The following UQCRB variants were observed in gnomAD, a reference collection of about 807,000 sequenced individuals.
The protein encoded by UQCRB is ubiquinol-cytochrome c reductase binding protein, also known as cytochrome b-c1 complex subunit 7.
A neutral mutation model predicts 19.8 loss-of-function variants in UQCRB; 12 were observed. That is an observed-to-expected ratio of 0.61 (90% CI 0.39 to 0.98). The LOEUF is 0.98. UQCRB is among the 50% of genes least tolerant of loss of function. The probability of loss-of-function intolerance (pLI) is 0.00; values close to 1 mark genes in which losing one functional copy is unlikely to be tolerated. For missense variants in UQCRB, 142 were observed against 131.8 expected, an observed-to-expected ratio of 1.08 and a Z score of -0.38; for synonymous variants, 39 against 42.9, an observed-to-expected ratio of 0.91 and a Z score of 0.35.
rs1296950911 is a variant in UQCRB at position 96,230,944 on chromosome 8, A to G, written c.*111T>C. The G allele has an allele frequency of 8.7e-7, 1 of 1,145,052 alleles. No homozygotes were observed. The highest frequency in any genetic ancestry group is 1.3e-6 in the Non-Finnish European group (1 of 757,410). The allele number at this position is 1,145,052 out of a possible 1,614,324, so 70.9% of individuals were successfully genotyped here. A position where few individuals can be genotyped will look rare whatever the true frequency, so the allele number is the denominator to read the frequency against. On this transcript the variant is annotated 3_prime_UTR_variant, in exon 4 of 4. Coordinates refer to ENST00000287022, the MANE Select transcript of UQCRB (RefSeq NM_006294.5). ...GAATTCAAAAACTCCAGCCATTACA[A>G]TAGACATTTATTTAAAGTAAAACAT...
intron 2 of UQCRB, chr8:96,232,332 G>T (rs1489000792): frequency 4.6e-6 from 1 of 217,096 alleles, no homozygotes; most frequent in Non-Finnish European, 9.4e-6. Flanking sequence ...TTAAATCTGA[G>T]ATCAAGGTAT....
rs1474123705 is a variant in UQCRB at position 96,229,651 on chromosome 8, T to C, written c.*1404A>G. The C allele has an allele frequency of 2.0e-5, 9 of 453,926 alleles. No individual in the cohort carries two copies. Among genetic ancestry groups the C allele is most frequent in the Admixed American group, 1.2e-4 (5 of 42,538 alleles). The allele number at this position is 453,926 out of a possible 1,614,324, so 28.1% of individuals were successfully genotyped here. ...GCAAAGTAGGACTACATTAAAACCT[T>C]GTCACAATGTGACCTGAGCAAAACC... On this transcript the variant is annotated 3_prime_UTR_variant, in exon 4 of 4. Coordinates refer to ENST00000287022, the MANE Select transcript of UQCRB (RefSeq NM_006294.5).
At chr8:96,232,571 T>G (rs534703037) in intron 2 of UQCRB, 1 of 155,748 alleles carries the variant, frequency 6.4e-6, no homozygotes, top group African/African-American at 2.4e-5. Context: ...GGCGCAGTAG[T>G]GCACACCTAT....
At chr8:96,231,360 G>T (rs1202647622) in intron 3 of UQCRB, 2 of 1,543,518 alleles carry the variant, frequency 1.3e-6, no homozygotes, top group South Asian at 1.2e-5. Flanking sequence ...GGAAGAAAAA[G>T]AAATGAATGT....
chr8:96,229,210 CAG>C lies in UQCRB; in HGVS notation c.*1843_*1844del, dbSNP rs1809599865. The C allele has an allele frequency of 2.2e-6, 1 of 453,998 alleles. No individual in the cohort carries two copies. Among genetic ancestry groups the C allele is most frequent in the Admixed American group, 2.4e-5 (1 of 42,552 alleles). 28.1% of individuals were successfully genotyped at this position (453,998 alleles called of 1,614,324 possible). A position where few individuals can be genotyped will look rare whatever the true frequency, so the allele number is the denominator to read the frequency against. On this transcript the variant is annotated 3_prime_UTR_variant, in exon 4 of 4. Coordinates refer to ENST00000287022, the MANE Select transcript of UQCRB (RefSeq NM_006294.5). ...GCTTTAGGAAGAACTCTTACAAAATCAGAGGTTGCCTTATGTAATACCACACT... is the reference window on the plus strand; with the variant it reads ...GCTTTAGGAAGAACTCTTACAAAATCAGGTTGCCTTATGTAATACCACACT...
intron 3 of UQCRB, 109 bp downstream of exon 3, chr8:96,231,665 T>C (rs756683079): frequency 1.3e-6 from 2 of 1,508,850 alleles, no homozygotes; most frequent in Non-Finnish European, 1.8e-6. Flanking sequence ...CACATATTTA[T>C]TTGACATGAC....
rs1257173975 is a variant in UQCRB, at chr8:96,229,236, C to T, written c.*1819G>A. 4 of 454,006 alleles carry T rather than the reference C, an allele frequency of 8.8e-6. No homozygotes were observed. The highest frequency in any genetic ancestry group is 2.4e-5 in the Admixed American group (1 of 42,552). 28.1% of individuals were successfully genotyped at this position (454,006 alleles called of 1,614,324 possible). A position where few individuals can be genotyped will look rare whatever the true frequency, so the allele number is the denominator to read the frequency against. On this transcript the variant is annotated 3_prime_UTR_variant, in exon 4 of 4. Transcript: ENST00000287022. ...AGAGGTTGCCTTATGTAATACCACACTTTACCTTGAGCAGGTGGATAGCCT... is the reference window on the plus strand; with the variant it reads ...AGAGGTTGCCTTATGTAATACCACATTTTACCTTGAGCAGGTGGATAGCCT...
Position 96,223,702 on chromosome 8 carries a change from A to G in UQCRB, c.*7353T>C, listed in dbSNP as rs529103691. Among the ~76,000 whole-genome samples, 1 of 152,290 alleles carries G rather than the reference A, an allele frequency of 6.6e-6. No individual in the cohort carries two copies. Among genetic ancestry groups the G allele is most frequent in the Admixed American group, 6.5e-5 (1 of 15,294 alleles). On this transcript the variant is annotated 3_prime_UTR_variant, in exon 4 of 4. Coordinates refer to ENST00000287022, the MANE Select transcript of UQCRB (RefSeq NM_006294.5). Reference sequence around the variant, plus strand: ...TTGCAGGGGACTGAGAATAGAAGGAAAAAAGGTTAGAGGTAGAATTTTGCA... The same window carrying G: ...TTGCAGGGGACTGAGAATAGAAGGAGAAAAGGTTAGAGGTAGAATTTTGCA...
In UQCRB at chr8:96,228,198, C is replaced by T. The variant is rs1328115500; in HGVS notation, c.*2857G>A. The stretch of plus-strand genomic sequence containing the variant: ...CATAGACCACTTCAGAGTAAACAAA[C>T]ATAACTTTCTTCAAGATGTAGGAAA... On this transcript the variant is annotated 3_prime_UTR_variant, in exon 4 of 4. Coordinates refer to ENST00000287022, the MANE Select transcript of UQCRB (RefSeq NM_006294.5). 3.3e-5 allele frequency: 15 copies of T among 453,984 alleles called. No homozygotes were observed. Among genetic ancestry groups the T allele is most frequent in the Non-Finnish European group, 1.8e-5 (4 of 226,794 alleles). The allele number at this position is 453,984 out of a possible 1,614,324, so 28.1% of individuals were successfully genotyped here. A position where few individuals can be genotyped will look rare whatever the true frequency, so the allele number is the denominator to read the frequency against.
rs1283134372 is a variant in UQCRB, at chr8:96,230,638, T to A, written c.*417A>T. 3 of 458,178 alleles carry A rather than the reference T, an allele frequency of 6.5e-6. No homozygotes were observed. The highest frequency in any genetic ancestry group is 1.3e-5 in the Non-Finnish European group (3 of 229,822). 28.4% of individuals were successfully genotyped at this position (458,178 alleles called of 1,614,324 possible). A position where few individuals can be genotyped will look rare whatever the true frequency, so the allele number is the denominator to read the frequency against. ...CATAATTTCTTTTTAAATGATAGGA[T>A]GCAAAATCAAATCTGTTTGCATACC... On this transcript the variant is annotated 3_prime_UTR_variant, in exon 4 of 4. Coordinates refer to ENST00000287022, the MANE Select transcript of UQCRB (RefSeq NM_006294.5).
At chr8:96,234,628 G>T in intron 1 of UQCRB, 1 of 637,016 alleles carries the variant, frequency 1.6e-6, no homozygotes, top group Non-Finnish European at 2.5e-6. Flanking sequence ...CTGGCAACCT[G>T]ATGTTTCCTA....
Position 96,229,136 on chromosome 8 carries a change from A to T in UQCRB, c.*1919T>A, listed in dbSNP as rs1364898594. 1.8e-5 allele frequency: 8 copies of T among 454,010 alleles called. No individual in the cohort carries two copies. Among genetic ancestry groups the T allele is most frequent in the Admixed American group, 1.2e-4 (5 of 42,564 alleles). 28.1% of individuals were successfully genotyped at this position (454,010 alleles called of 1,614,324 possible). On this transcript the variant is annotated 3_prime_UTR_variant, in exon 4 of 4. Transcript: ENST00000287022. ...AAAGAACTTTTGCACACTTGTTCTC[A>T]TTTAGAAGAATGAAGTAATCTGGAA...
chr8:96,235,341 G>T, intron 1 of UQCRB, 171 bp downstream of exon 1: 1 of 998,614 alleles, frequency 1.0e-6, no homozygotes, highest in Non-Finnish European at 1.6e-6. Flanking sequence ...GCCCGCCCTG[G>T]GGACAGCAAA....
chr8:96,224,862 G>A lies in UQCRB; in HGVS notation c.*6193C>T, dbSNP rs1809500776. Among the ~76,000 whole-genome samples the A allele has an allele frequency of 6.6e-6, 1 of 152,130 alleles. No individual in the cohort carries two copies. The highest frequency in any genetic ancestry group is 2.1e-4 in the South Asian group (1 of 4,828). On this transcript the variant is annotated 3_prime_UTR_variant, in exon 4 of 4. Coordinates refer to ENST00000287022, the MANE Select transcript of UQCRB (RefSeq NM_006294.5). The stretch of plus-strand genomic sequence containing the variant: ...GAGGACTTCTCAAAGCATGACCTCA[G>A]AGGCAAAACCACAGAGGAGAGGACT...
rs1455904640 is a variant in UQCRB at position 96,228,275 on chromosome 8, A to C, written c.*2780T>G. 2.2e-6 allele frequency: 1 copy of C among 454,152 alleles called. No homozygotes were observed. The highest frequency in any genetic ancestry group is 4.4e-6 in the Non-Finnish European group (1 of 226,788). 28.1% of individuals were successfully genotyped at this position (454,152 alleles called of 1,614,324 possible). Reference sequence around the variant, plus strand: ...CTTTAAACAACAAAAGATATCAAACATTTTAAACTGTACAAAGCAAATTAG... The same window carrying C: ...CTTTAAACAACAAAAGATATCAAACCTTTTAAACTGTACAAAGCAAATTAG... On this transcript the variant is annotated 3_prime_UTR_variant, in exon 4 of 4. Coordinates refer to ENST00000287022, the MANE Select transcript of UQCRB (RefSeq NM_006294.5).
Position 96,229,577 on chromosome 8 carries a change from A to G in UQCRB, c.*1478T>C, listed in dbSNP as rs773119581. 6.6e-6 allele frequency: 3 copies of G among 453,998 alleles called. No homozygotes were observed. The highest frequency in any genetic ancestry group is 6.0e-5 in the African/African-American group (3 of 50,006). 28.1% of individuals were successfully genotyped at this position (453,998 alleles called of 1,614,324 possible). A position where few individuals can be genotyped will look rare whatever the true frequency, so the allele number is the denominator to read the frequency against. On this transcript the variant is annotated 3_prime_UTR_variant, in exon 4 of 4. Transcript: ENST00000287022. ...CTCAGGAAAATTTTCTGAATAGACA[A>G]ATGCTTTTAAAGGGGGTTCTAGACA...
intron 1 of UQCRB, 111 bp downstream of exon 1, chr8:96,235,401 T>C: frequency 6.7e-7 from 1 of 1,495,908 alleles, no homozygotes; most frequent in Admixed American, 1.7e-5. Flanking sequence ...CCAATTTCCC[T>C]TCCGCGACAA....
intron 1 of UQCRB, chr8:96,235,298 C>G: frequency 1.5e-6 from 1 of 673,040 alleles, no homozygotes; most frequent in Non-Finnish European, 2.6e-6. Flanking sequence ...CCTTCACAAA[C>G]AGCGGGTTAA....
At position 96,227,588 on chromosome 8, in the gene UQCRB, G is replaced by A. The variant is rs1221254026; in HGVS notation, c.*3467C>T. The stretch of plus-strand genomic sequence containing the variant: ...TGCTCTTCATCCATCAAGCTGTCAA[G>A]GATTTGGTTATGACAATCTTCATGT... On this transcript the variant is annotated 3_prime_UTR_variant, in exon 4 of 4. Transcript: ENST00000287022. 3 of 454,100 alleles carry A rather than the reference G, an allele frequency of 6.6e-6. No homozygotes were observed. The highest frequency in any genetic ancestry group is 1.3e-5 in the Non-Finnish European group (3 of 226,782). The allele number at this position is 454,100 out of a possible 1,614,324, so 28.1% of individuals were successfully genotyped here.
Sources: allele counts gnomAD v4.1 joint callset (sites outside exome capture counted in the v4.1 genomes callset), GRCh38; gene constraint gnomAD v4.1.1; transcripts MANE v1.5; gene names NCBI Gene and HGNC (gene_info 2026-07-23, HGNC 2026-07-21).